FHOD3: variants seen among roughly 807,000 people sequenced by gnomAD.
The protein encoded by FHOD3 is formin homology 2 domain containing 3.
FHOD3 carries 90 observed loss-of-function variants against 173.0 expected under a neutral mutation model. The observed-to-expected ratio is 0.52, with a 90% CI of 0.44 to 0.62. FHOD3 has a LOEUF of 0.62. Ranked by LOEUF, FHOD3 falls within the 20% of genes least tolerant of loss-of-function variation. The probability of loss-of-function intolerance (pLI) is 0.00; values close to 1 mark genes in which losing one functional copy is unlikely to be tolerated. For missense variants in FHOD3, 1,945 were observed against 2,034.7 expected, an observed-to-expected ratio of 0.96 and a Z score of 0.85; for synonymous variants, 828 against 823.0, an observed-to-expected ratio of 1.01 and a Z score of -0.10.
intron 5 of FHOD3, among the ~76,000 whole-genome samples, chr18:36,540,880 A>G (rs1389813180): frequency 1.3e-5 from 2 of 152,136 alleles, no homozygotes; most frequent in African/African-American, 2.4e-5. Flanking sequence ...ATATTGGTGT[A>G]CCCGCAACAA....
intron 3 of FHOD3, among the ~76,000 whole-genome samples, chr18:36,418,869 G>A (rs769517278): frequency 2.0e-5 from 3 of 152,078 alleles, no homozygotes; most frequent in African/African-American, 7.2e-5. Flanking sequence ...AGCCGAGATC[G>A]CGCCATTGCA....
chr18:36,751,128 ATTTG>A (rs1180721195), intron 24 of FHOD3, among the ~76,000 whole-genome samples: 2 of 152,178 alleles, frequency 1.3e-5, no homozygotes, highest in Non-Finnish European at 2.9e-5. Context: ...GATATTTTCC[ATTTG>A]TTTGTGTCAT....
At chr18:36,585,002 A>G (rs1426131539) in intron 6 of FHOD3, among the ~76,000 whole-genome samples, 2 of 152,232 alleles carry the variant, frequency 1.3e-5, no homozygotes, top group Non-Finnish European at 2.9e-5. Context: ...TTTTCTTACA[A>G]AATTAACTCT....
intron 1 of FHOD3, among the ~76,000 whole-genome samples, chr18:36,336,806 C>T (rs2145355554): frequency 1.5e-5 from 2 of 134,138 alleles, no homozygotes; most frequent in Middle Eastern, 0.011. Flanking sequence ...CAAGATTGTG[C>T]CATTGCACTC....
At chr18:36,719,656 C>T (rs1371287043) in intron 19 of FHOD3, among the ~76,000 whole-genome samples, 1 of 152,168 alleles carries the variant, frequency 6.6e-6, no homozygotes, top group Non-Finnish European at 1.5e-5. Context: ...TTTTAACTCC[C>T]TGCGTTGCTG....
chr18:36,386,904 C>T (rs538953008), intron 3 of FHOD3, among the ~76,000 whole-genome samples: 6 of 152,250 alleles, frequency 3.9e-5, no homozygotes, highest in East Asian at 1.9e-4. Context: ...AGGCAAGAGA[C>T]GACTGACCTG....
intron 22 of FHOD3, among the ~76,000 whole-genome samples, chr18:36,743,245 G>T (rs889853661): frequency 3.5e-5 from 5 of 143,500 alleles, no homozygotes; most frequent in African/African-American, 1.3e-4. Context: ...GGAAGCAGAG[G>T]TTGCAGTGAG....
At chr18:36,473,117 A>G (rs1432438071) in intron 3 of FHOD3, among the ~76,000 whole-genome samples, 1 of 152,230 alleles carries the variant, frequency 6.6e-6, no homozygotes, top group Non-Finnish European at 1.5e-5. Context: ...CAGCACCACC[A>G]GCTTCTCCTG....
intron 3 of FHOD3, among the ~76,000 whole-genome samples, chr18:36,444,589 A>G (rs1266690480): frequency 6.6e-6 from 1 of 152,136 alleles, no homozygotes; most frequent in Admixed American, 6.5e-5. Context: ...CTCTATAGAT[A>G]ACTAGTCTCC....
At chr18:36,589,616 C>T (rs973475475) in intron 6 of FHOD3, among the ~76,000 whole-genome samples, 4 of 152,194 alleles carry the variant, frequency 2.6e-5, no homozygotes, top group African/African-American at 4.8e-5. Context: ...ATCTTGGATT[C>T]GCAGGGACCT....
chr18:36,360,721 A>T (rs1312778776), intron 2 of FHOD3, among the ~76,000 whole-genome samples: 4 of 152,144 alleles, frequency 2.6e-5, no homozygotes, highest in Non-Finnish European at 2.9e-5. Context: ...GTTTCTGTAC[A>T]GTTTGTGGGT....
chr18:36,370,400 G>A (rs773236160), intron 2 of FHOD3, among the ~76,000 whole-genome samples: 14 of 151,500 alleles, frequency 9.2e-5, no homozygotes, highest in Non-Finnish European at 2.1e-4. Context: ...CTGGTTTCTC[G>A]GCATCCGGAA....
chr18:36,673,797 G>T (rs1255964786), intron 14 of FHOD3, among the ~76,000 whole-genome samples: 1 of 152,064 alleles, frequency 6.6e-6, no homozygotes, highest in African/African-American at 2.4e-5. Context: ...CCATTCCATT[G>T]CTTCACGGAC....
chr18:36,487,919 T>A (rs747656454), intron 3 of FHOD3, among the ~76,000 whole-genome samples: 2 of 152,198 alleles, frequency 1.3e-5, no homozygotes, highest in African/African-American at 4.8e-5. Context: ...GTACAAACCT[T>A]AGGCTAGGTG....
chr18:36,742,184 CA>C (rs2041934780), intron 21 of FHOD3, among the ~76,000 whole-genome samples: 1 of 152,024 alleles, frequency 6.6e-6, no homozygotes, highest in African/African-American at 2.4e-5. Context: ...AGATGGAGGC[CA>C]TGAGGCTACA....
chr18:36,778,155 A>C (rs1224459995), intron 28 of FHOD3: 1 of 152,154 alleles, frequency 6.6e-6, no homozygotes, highest in African/African-American at 2.4e-5. Flanking sequence ...CCACAGGCTG[A>C]GTGAGCTTAT....
At chr18:36,397,788 T>C (rs2048622972) in intron 3 of FHOD3, among the ~76,000 whole-genome samples, 2 of 152,224 alleles carry the variant, frequency 1.3e-5, no homozygotes, top group South Asian at 4.1e-4. Flanking sequence ...GTCCGCACTC[T>C]AGGGCTAGTA....
chr18:36,675,927 G>A (rs2037827137), intron 14 of FHOD3, among the ~76,000 whole-genome samples: 1 of 152,038 alleles, frequency 6.6e-6, no homozygotes, highest in Admixed American at 6.6e-5. Flanking sequence ...TCTAGAACTG[G>A]ATCTAACTAT....
chr18:36,744,241 G>A (rs567279109), intron 23 of FHOD3, 48 bp downstream of exon 23: 17 of 1,573,020 alleles, frequency 1.1e-5, no homozygotes, highest in South Asian at 2.3e-5. Context: ...CTGCAGCCAC[G>A]GGATCTTTAT....
Sources: gnomAD v4.1 joint callset for allele counts (sites outside exome capture counted in the v4.1 genomes callset) on GRCh38, gnomAD v4.1.1 for gene constraint, MANE v1.5 for transcripts, NCBI Gene and HGNC (gene_info 2026-07-23, HGNC 2026-07-21) for gene names.